The following PDE11A variants were observed in gnomAD, a reference collection of about 807,000 sequenced individuals.
PDE11A encodes the protein phosphodiesterase 11A.
Under a neutral mutation model 100.5 loss-of-function variants are expected in PDE11A, and 100 were observed. The ratio of observed to expected loss-of-function variants is 1.00; its 90% confidence interval spans 0.85 to 1.18. The LOEUF (loss-of-function observed/expected upper bound fraction) is 1.18. Among genes scored for constraint, PDE11A ranks in the 50% most tolerant of loss-of-function variants. The pLI is 0.00. For synonymous variants in PDE11A, 381 were observed against 420.8 expected (o/e 0.91, Z 1.16); for missense variants, 1,141 against 1,152.6 (o/e 0.99, Z 0.15).
chr2:177,713,201 G>C (rs562505814), intron 12 of PDE11A, among the ~76,000 whole-genome samples: 42 of 152,104 alleles, frequency 2.8e-4, no homozygotes, highest in Non-Finnish European at 4.7e-4. Flanking sequence ...TAGAGATGGG[G>C]TTTCACCATA....
intron 2 of PDE11A, among the ~76,000 whole-genome samples, chr2:177,939,093 G>A (rs529197662): frequency 3.9e-5 from 6 of 152,264 alleles, no homozygotes; most frequent in African/African-American, 1.2e-4. Flanking sequence ...CTGGTATTTT[G>A]TTATTCCAGC....
chr2:177,970,594 G>A (rs539404414), intron 2 of PDE11A, among the ~76,000 whole-genome samples: 1 of 152,014 alleles, frequency 6.6e-6, no homozygotes, highest in Non-Finnish European at 1.5e-5. Context: ...TGAGAAGCAA[G>A]CAGAAGATCC....
At chr2:177,652,040 C>G (rs1441128528) in intron 19 of PDE11A, among the ~76,000 whole-genome samples, 1 of 152,178 alleles carries the variant, frequency 6.6e-6, no homozygotes, top group Admixed American at 6.5e-5. Context: ...AATGTGATAA[C>G]CCGATCTTTC....
intron 2 of PDE11A, among the ~76,000 whole-genome samples, chr2:178,007,896 C>A (rs1559040321): frequency 6.6e-6 from 1 of 151,904 alleles, no homozygotes; most frequent in Non-Finnish European, 1.5e-5. Context: ...TTTAGAGAGA[C>A]AGGGTTTCAC....
At chr2:177,794,170 G>A (rs755983033) in intron 9 of PDE11A, among the ~76,000 whole-genome samples, 1 of 152,030 alleles carries the variant, frequency 6.6e-6, no homozygotes, top group Non-Finnish European at 1.5e-5. Context: ...GGCAGGAAAG[G>A]GGGCACGGCA....
At chr2:177,852,363 C>A (rs1368538283) in intron 5 of PDE11A, among the ~76,000 whole-genome samples, 2 of 142,988 alleles carry the variant, frequency 1.4e-5, no homozygotes, top group African/African-American at 5.0e-5. Flanking sequence ...GGACAGATTT[C>A]TTTTTAATGC....
chr2:178,097,153 T>C (rs1268064032), intron 2 of PDE11A, among the ~76,000 whole-genome samples: 1 of 152,230 alleles, frequency 6.6e-6, no homozygotes, highest in Non-Finnish European at 1.5e-5. Flanking sequence ...CCCAAAGTGC[T>C]GGGATTACAG....
intron 1 of PDE11A, among the ~76,000 whole-genome samples, chr2:178,032,467 G>T (rs2086560821): frequency 6.9e-6 from 1 of 144,496 alleles, no homozygotes; most frequent in South Asian, 2.3e-4. Flanking sequence ...CTGGGCAACA[G>T]AGCGAGACCC....
At chr2:177,776,915 T>TG (rs1165287480) in intron 9 of PDE11A, among the ~76,000 whole-genome samples, 5 of 152,010 alleles carry the variant, frequency 3.3e-5, no homozygotes, top group Admixed American at 6.6e-5. Flanking sequence ...AACTGAAGCA[T>TG]GGGGGGGCAG....
chr2:177,892,397 A>C (rs1359613656), intron 4 of PDE11A, among the ~76,000 whole-genome samples: 1 of 152,228 alleles, frequency 6.6e-6, no homozygotes, highest in African/African-American at 2.4e-5. Flanking sequence ...GATTGAATAC[A>C]AGATAACTAA....
chr2:178,086,865 T>G (rs1248612693), intron 2 of PDE11A, among the ~76,000 whole-genome samples: 2 of 152,172 alleles, frequency 1.3e-5, no homozygotes, highest in Non-Finnish European at 2.9e-5. Flanking sequence ...CTGTTTGACT[T>G]TGGAGAAGTT....
intron 15 of PDE11A, among the ~76,000 whole-genome samples, chr2:177,689,440 A>T (rs1424934768): frequency 1.3e-5 from 2 of 152,120 alleles, no homozygotes; most frequent in African/African-American, 2.4e-5. Flanking sequence ...GGGTGCACAG[A>T]TGTGTGGATG....
chr2:177,941,794 C>T (rs1001884156), intron 2 of PDE11A, among the ~76,000 whole-genome samples: 2 of 152,168 alleles, frequency 1.3e-5, no homozygotes, highest in Non-Finnish European at 2.9e-5. Context: ...AGGGACAGAA[C>T]GTGGAGTGTT....
intron 2 of PDE11A, among the ~76,000 whole-genome samples, chr2:178,101,692 T>A (rs2105888934): frequency 6.6e-6 from 1 of 152,260 alleles, no homozygotes; most frequent in Middle Eastern, 3.4e-3. Flanking sequence ...AGGGGCCAAC[T>A]ATAATAACAA....
intron 15 of PDE11A, among the ~76,000 whole-genome samples, chr2:177,696,807 C>T (rs10172800): frequency 0.093 from 14,205 of 152,040 alleles, 2,202 homozygotes; most frequent in African/African-American, 0.32. Context: ...AGAGAGATGG[C>T]GCCTGATAGA....
intron 2 of PDE11A, among the ~76,000 whole-genome samples, chr2:177,992,346 A>C (rs2086014557): frequency 6.6e-6 from 1 of 151,456 alleles, no homozygotes; most frequent in Non-Finnish European, 1.5e-5. Context: ...ATGGTGGTTA[A>C]GTGTGGAAAA....
intron 10 of PDE11A, among the ~76,000 whole-genome samples, chr2:177,736,533 A>G (rs1281498214): frequency 6.6e-6 from 1 of 152,028 alleles, no homozygotes; most frequent in Admixed American, 6.6e-5. Context: ...AAAGAAAAAA[A>G]AAGAAAGGGA....
chr2:177,701,569 A>G (rs2081198055), intron 13 of PDE11A, among the ~76,000 whole-genome samples: 1 of 152,218 alleles, frequency 6.6e-6, no homozygotes, highest in Non-Finnish European at 1.5e-5. Flanking sequence ...CACTGTAGAA[A>G]TGTGTTCCAG....
chr2:177,710,240 G>A (rs906186289), intron 13 of PDE11A, among the ~76,000 whole-genome samples: 22 of 152,092 alleles, frequency 1.4e-4, no homozygotes, highest in African/African-American at 5.1e-4. Context: ...GAGGGAAGGA[G>A]GGAAGGATGG....
Sources: gnomAD v4.1 joint callset for allele counts (sites outside exome capture counted in the v4.1 genomes callset) on GRCh38, gnomAD v4.1.1 for gene constraint, MANE v1.5 for transcripts, NCBI Gene and HGNC (gene_info 2026-07-23, HGNC 2026-07-21) for gene names.